Variants in MAST4 observed in about 807,000 individuals in gnomAD.
MAST4 encodes microtubule associated serine/threonine kinase family member 4.
In MAST4, 89 loss-of-function variants were observed where a neutral mutation model predicts 162.7. The observed-to-expected ratio is 0.55, with a 90% confidence interval of 0.46 to 0.65. The LOEUF (loss-of-function observed/expected upper bound fraction) is 0.65. Ranked by LOEUF, MAST4 falls within the 30% of genes least tolerant of loss-of-function variation. The pLI, the probability that MAST4 is intolerant of heterozygous loss-of-function variation, is 0.00. For synonymous variants in MAST4, 1,479 were observed against 1,361.1 expected (o/e 1.09, Z -1.91); for missense variants, 3,153 against 3,374.0 (o/e 0.93, Z 1.62).
intron 1 of MAST4, among the ~76,000 whole-genome samples, chr5:66,614,803 G>A (rs78957416): frequency 6.6e-6 from 1 of 152,174 alleles, no homozygotes; most frequent in Non-Finnish European, 1.5e-5. Flanking sequence ...GACACATGCA[G>A]GGAGAGATCT....
chr5:67,151,626 T>C (rs1431451942), intron 24 of MAST4, among the ~76,000 whole-genome samples: 2 of 152,190 alleles, frequency 1.3e-5, no homozygotes, highest in Non-Finnish European at 2.9e-5. Flanking sequence ...CATTAGCCTC[T>C]CAGAAACCTT....
chr5:67,134,340 ATAAT>A (rs1314777872), intron 17 of MAST4, among the ~76,000 whole-genome samples, 179 bp from the exon 18 acceptor site: 1 of 152,200 alleles, frequency 6.6e-6, no homozygotes, highest in Non-Finnish European at 1.5e-5. Context: ...GTCTTTGGTA[ATAAT>A]TCTTTTCGTT....
intron 4 of MAST4, chr5:67,004,738 C>A (rs1361511007): frequency 4.4e-6 from 2 of 451,280 alleles, no homozygotes; most frequent in Non-Finnish European, 8.1e-6. Context: ...AGAGGGCAGA[C>A]CCGAGAGGAA....
intron 3 of MAST4, among the ~76,000 whole-genome samples, chr5:66,794,450 A>G (rs1441832120): frequency 6.6e-6 from 1 of 152,250 alleles, no homozygotes; most frequent in Non-Finnish European, 1.5e-5. Flanking sequence ...AAATGCTGTC[A>G]TCAATGTTCT....
chr5:67,141,016 A>G (rs1451774055), intron 19 of MAST4, among the ~76,000 whole-genome samples: 1 of 152,192 alleles, frequency 6.6e-6, no homozygotes, highest in African/African-American at 2.4e-5. Context: ...TAGGGCTGAC[A>G]CTATGTCTTG....
In MAST4 at chr5:67,136,568, A is replaced by G. The variant is rs763364494; in HGVS notation, c.2398A>G (p.Ile800Val). 2.5e-6 allele frequency: 4 copies of G among 1,601,318 alleles called. No individual in the cohort carries two copies. Among genetic ancestry groups the G allele is most frequent in the African/African-American group, 1.3e-5 (1 of 74,704 alleles). The stretch of plus-strand genomic sequence containing the variant: ...ACAACTTTTCTTCCTTCTAGATGAG[A>G]TCAACTGGCCTGAGAAGGATGAGGC... The part of the protein sequence containing the change: ...ELFGQVISDE[I>V]NWPEKDEAPP... Residue 800 changes from isoleucine (I) to valine (V), a missense_variant, in exon 19 of 29, where the codon ATC (isoleucine) becomes GTC (valine). Physicochemically the swap from Ile to Val is conservative, Grantham distance 29. Transcript: ENST00000403625.
Position 66,650,349 on chromosome 5 carries a change from T to C in MAST4, c.363+53331T>C, listed in dbSNP as rs181702965. On this transcript the variant is annotated intron_variant, in intron 1 of 28. Transcript: ENST00000403625. The stretch of plus-strand genomic sequence containing the variant: ...GGTGATATAAGCCTACCTGGCTCTA[T>C]GGAAGAAAAGATACAGCCTGATTTG... Among the ~76,000 whole-genome samples, 98 of 152,220 alleles carry C rather than the reference T, an allele frequency of 6.4e-4. 1 individual carries two copies. In the East Asian group the frequency reaches 0.016, roughly 25 times the overall value.
chr5:67,102,748 T>C (rs1255049827), intron 9 of MAST4, 137 bp downstream of exon 9: 2 of 692,848 alleles, frequency 2.9e-6, no homozygotes, highest in African/African-American at 1.8e-5. Flanking sequence ...ATAGTCTTCT[T>C]AGAAAGAGAA....
intron 3 of MAST4, among the ~76,000 whole-genome samples, chr5:66,803,950 T>TA (rs1554054234): frequency 1.6e-4 from 24 of 151,724 alleles, no homozygotes; most frequent in East Asian, 7.8e-4. Context: ...TTTTTTTTTT[T>TA]AAAAAGCTCT....
intron 18 of MAST4, 24 bp downstream of exon 18, chr5:67,134,712 T>G (rs1219133500): frequency 6.3e-7 from 1 of 1,590,662 alleles, no homozygotes; most frequent in African/African-American, 1.3e-5. Flanking sequence ...GGAGTTATCT[T>G]TAGGTCACTG....
chr5:66,771,265 C>T (rs748320085), intron 2 of MAST4, among the ~76,000 whole-genome samples: 8 of 151,774 alleles, frequency 5.3e-5, no homozygotes, highest in East Asian at 1.9e-4. Context: ...GCTCACTGCA[C>T]GCTCCACCTC....
At chr5:66,927,634 A>C (rs939762359) in intron 4 of MAST4, among the ~76,000 whole-genome samples, 29 of 152,322 alleles carry the variant, frequency 1.9e-4, no homozygotes, top group Admixed American at 9.1e-4. Context: ...GAGAGTAGGC[A>C]GAGAGTCACA....
At chr5:66,828,742 T>G (rs1289697765) in intron 3 of MAST4, 1 of 1,529,294 alleles carries the variant, frequency 6.5e-7, no homozygotes, top group Non-Finnish European at 8.9e-7. Context: ...GAGCGTGATG[T>G]AAGTGTTTAG....
intron 1 of MAST4, among the ~76,000 whole-genome samples, chr5:66,664,039 G>T (rs1318926838): frequency 6.6e-6 from 1 of 152,162 alleles, no homozygotes; most frequent in Non-Finnish European, 1.5e-5. Context: ...GACTGGATGT[G>T]TAGGGTGTAA....
intron 3 of MAST4, among the ~76,000 whole-genome samples, chr5:66,843,371 C>G (rs1758561553): frequency 6.6e-6 from 1 of 152,208 alleles, no homozygotes; most frequent in African/African-American, 2.4e-5. Context: ...GATAGTTCCT[C>G]TGTCATTTGA....
chr5:66,955,625 C>G (rs981657408), intron 4 of MAST4, among the ~76,000 whole-genome samples: 1 of 152,138 alleles, frequency 6.6e-6, no homozygotes. Flanking sequence ...TACTCTTACT[C>G]TCCCTCCCCA....
chr5:66,611,300 A>C (rs1368771657), intron 1 of MAST4, among the ~76,000 whole-genome samples: 1 of 152,124 alleles, frequency 6.6e-6, no homozygotes, highest in Non-Finnish European at 1.5e-5. Context: ...CTTACACTCA[A>C]GTGTGTGTTT....
At chr5:66,694,425 C>T (rs186930500) in intron 1 of MAST4, among the ~76,000 whole-genome samples, 4 of 152,248 alleles carry the variant, frequency 2.6e-5, no homozygotes, top group Admixed American at 6.5e-5. Flanking sequence ...TGTTCTTTCT[C>T]CTTTAAAAAT....
chr5:67,099,908 T>A (rs778803135), intron 7 of MAST4, among the ~76,000 whole-genome samples: 4 of 152,190 alleles, frequency 2.6e-5, no homozygotes, highest in Admixed American at 6.5e-5. Flanking sequence ...AGACAGTGGC[T>A]TTATTGGGAA....
Sources: gnomAD v4.1 joint callset for allele counts (sites outside exome capture counted in the v4.1 genomes callset) on GRCh38, gnomAD v4.1.1 for gene constraint, MANE v1.5 for transcripts, NCBI Gene and HGNC (gene_info 2026-07-23, HGNC 2026-07-21) for gene names.